Variants in MXD1 observed in about 807,000 individuals in gnomAD.
MXD1 encodes MAX dimerization protein 1, also known as MAX-binding protein.
Under a neutral mutation model 25.7 loss-of-function variants are expected in MXD1, and 9 were observed. That is an observed-to-expected ratio of 0.35 (90% confidence interval 0.21 to 0.61). MXD1 has a LOEUF of 0.61. Ranked by LOEUF, MXD1 falls within the 20% of genes least tolerant of loss-of-function variation. The pLI, the probability that MXD1 is intolerant of heterozygous loss-of-function variation, is 0.75. For synonymous variants in MXD1, 99 were observed against 113.9 expected (o/e 0.87, Z 0.83); for missense variants, 227 against 292.4 (o/e 0.78, Z 1.63).
rs1165762466 is a variant in MXD1, at chr2:69,923,600, GTGA to G, written c.203+1838_203+1840del. 2.0e-5 allele frequency among the ~76,000 whole-genome samples: 3 copies of G among 152,096 alleles called. No homozygotes were observed. In the East Asian group the frequency reaches 5.8e-4, roughly 29 times the overall value. On this transcript the variant is annotated intron_variant, in intron 3 of 5. Transcript: ENST00000264444. Reference sequence around the variant, plus strand: ...GAATTTCGTGTGTGTGTGTGTGTGTGTGATGCTGAGTGTGCCTCACTGCATATA... The same window carrying G: ...GAATTTCGTGTGTGTGTGTGTGTGTGTGCTGAGTGTGCCTCACTGCATATA...
In MXD1 at chr2:69,937,144, C is replaced by T. The variant is rs1048809070; in HGVS notation, c.319-91C>T. 1.3e-4 allele frequency: 195 copies of T among 1,521,714 alleles called. 1 individual carries two copies. Among genetic ancestry groups the T allele is most frequent in the Middle Eastern group, 3.4e-4 (2 of 5,890 alleles). 94.3% of individuals were successfully genotyped at this position (1,521,714 alleles called of 1,614,324 possible). The stretch of plus-strand genomic sequence containing the variant: ...CCGAAAGGCGTCTGAGGAAGTGTGG[C>T]GCATTCCACTGCTAGAAGGGAAGAT... On this transcript the variant is annotated intron_variant, in intron 4 of 5. Transcript: ENST00000264444.
chr2:69,922,932 A>G (rs1677094832), intron 3 of MXD1, among the ~76,000 whole-genome samples: 1 of 151,022 alleles, frequency 6.6e-6, no homozygotes, highest in Non-Finnish European at 1.5e-5. Context: ...CTATGTATCC[A>G]TTACCCAGCT....
chr2:69,915,696 C>T lies in MXD1; in HGVS notation c.73+293C>T, dbSNP rs1043381069. Among the ~76,000 whole-genome samples, 2 of 152,314 alleles carry T rather than the reference C, an allele frequency of 1.3e-5. No individual in the cohort carries two copies. The highest frequency in any genetic ancestry group is 2.1e-4 in the South Asian group (1 of 4,818). On this transcript the variant is annotated intron_variant, in intron 1 of 5. Coordinates refer to ENST00000264444, the MANE Select transcript of MXD1 (RefSeq NM_002357.4). The surrounding 1 kb of genome is among the most constrained non-coding windows in gnomAD (Gnocchi z 5.8). ...CCCTCCGATAGCCTCCCTGGTTTAC[C>T]TCACCCGGGCTGGTCCCGGCCGGCC...
intron 3 of MXD1, among the ~76,000 whole-genome samples, chr2:69,926,963 GA>G: frequency 6.6e-6 from 1 of 152,188 alleles, no homozygotes; most frequent in Non-Finnish European, 1.5e-5. Context: ...GCTCTTGCTA[GA>G]ATTAGGTGCC....
chr2:69,942,120 C>A lies in MXD1; in HGVS notation c.*3836C>A, dbSNP rs139486016. On this transcript the variant is annotated 3_prime_UTR_variant, in exon 6 of 6. Coordinates refer to ENST00000264444, the MANE Select transcript of MXD1 (RefSeq NM_002357.4). ...GAACATCAGGTAGTAAAAGGCTAAA[C>A]GCAATTTCTTGCATGTCAATCTATT... 4 of 152,190 alleles carry A rather than the reference C, an allele frequency of 2.6e-5. No individual in the cohort carries two copies. The highest frequency in any genetic ancestry group is 9.7e-5 in the African/African-American group (4 of 41,430). The allele number at this position is 152,190 out of a possible 1,614,324, so 9.4% of individuals were successfully genotyped here.
chr2:69,926,212 C>T (rs1349225202), intron 3 of MXD1, among the ~76,000 whole-genome samples: 1 of 152,162 alleles, frequency 6.6e-6, no homozygotes, highest in Non-Finnish European at 1.5e-5. Flanking sequence ...TCTTCCCTCA[C>T]TGATTCAAGT....
rs181846565 is a variant in MXD1 at position 69,929,773 on chromosome 2, C to T, written c.204-5578C>T. On this transcript the variant is annotated intron_variant, in intron 3 of 5. Coordinates refer to ENST00000264444, the MANE Select transcript of MXD1 (RefSeq NM_002357.4). ...ATTTTCTGAATAATCCATTCTTTCC[C>T]TAAGGATTTATGGTGTTATCTCCTT... 1.2e-3 allele frequency among the ~76,000 whole-genome samples: 184 copies of T among 152,312 alleles called. 2 individuals are homozygous for T. Among genetic ancestry groups the T allele is most frequent in the South Asian group, 5.2e-3 (25 of 4,832 alleles).
chr2:69,917,604 T>C (rs1267240105), intron 2 of MXD1, among the ~76,000 whole-genome samples: 1 of 152,178 alleles, frequency 6.6e-6, no homozygotes, highest in Admixed American at 6.5e-5. Context: ...TGAGAGGAAT[T>C]GTCCAAGTTA....
intron 3 of MXD1, among the ~76,000 whole-genome samples, chr2:69,923,796 C>T (rs1357703291): frequency 6.6e-6 from 1 of 152,208 alleles, no homozygotes; most frequent in Non-Finnish European, 1.5e-5. Flanking sequence ...GCTTCTCTTT[C>T]TCATTTTTAG....
At chr2:69,916,023 C>T (rs1410456666) in intron 1 of MXD1, 98 bp from the exon 2 acceptor site, 5 of 722,482 alleles carry the variant, frequency 6.9e-6, no homozygotes, top group Non-Finnish European at 1.2e-5. Flanking sequence ...CCACAATATT[C>T]TTTTAAAGAT....
intron 2 of MXD1, 73 bp from the exon 3 acceptor site, chr2:69,921,663 G>T: frequency 7.2e-7 from 1 of 1,383,974 alleles, no homozygotes; most frequent in Non-Finnish European, 9.9e-7. Context: ...GAAGTTAAAA[G>T]AATTGTGTTG....
At position 69,915,683 on chromosome 2, in the gene MXD1, C is replaced by A. The variant is rs1676948702; in HGVS notation, c.73+280C>A. 6.6e-6 allele frequency among the ~76,000 whole-genome samples: 1 copy of A among 152,234 alleles called. No homozygotes were observed. Among genetic ancestry groups the A allele is most frequent in the Non-Finnish European group, 1.5e-5 (1 of 68,050 alleles). On this transcript the variant is annotated intron_variant, in intron 1 of 5. Transcript: ENST00000264444. The surrounding 1 kb of genome is among the most constrained non-coding windows in gnomAD (Gnocchi z 5.8). ...GGTGGCCGGGGCCCCCTCCGATAGC[C>A]TCCCTGGTTTACCTCACCCGGGCTG...
chr2:69,924,895 G>C (rs726920), intron 3 of MXD1, among the ~76,000 whole-genome samples: 81,747 of 152,064 alleles, frequency 0.54, 24,036 homozygotes, highest in African/African-American at 0.79. Flanking sequence ...TTTAGAGATT[G>C]TAAATAATTA....
At position 69,937,994 on chromosome 2, in the gene MXD1, G is replaced by A. The variant is rs544747663; in HGVS notation, c.479-103G>A. 5.7e-5 allele frequency: 61 copies of A among 1,073,746 alleles called. No individual in the cohort carries two copies. In the East Asian group the frequency reaches 1.1e-3, roughly 19 times the overall value. The allele number at this position is 1,073,746 out of a possible 1,614,324, so 66.5% of individuals were successfully genotyped here. On this transcript the variant is annotated intron_variant, in intron 5 of 5. Coordinates refer to ENST00000264444, the MANE Select transcript of MXD1 (RefSeq NM_002357.4). ...ACTCCTAACCTCAAGTGATCCACCC[G>A]CCTTTGCCTCCCAAAGTGCTGGGAT...
Position 69,938,035 on chromosome 2 carries a change from C to T in MXD1, c.479-62C>T, listed in dbSNP as rs936067541. 4.6e-6 allele frequency: 7 copies of T among 1,522,926 alleles called. No individual in the cohort carries two copies. In the African/African-American group the frequency reaches 8.2e-5, roughly 18 times the overall value. The allele number at this position is 1,522,926 out of a possible 1,614,324, so 94.3% of individuals were successfully genotyped here. A position where few individuals can be genotyped will look rare whatever the true frequency, so the allele number is the denominator to read the frequency against. Reference sequence around the variant, plus strand: ...GTGCTGGGATTACAAGCATGAGCCACCACGCCTGAGCTTTCTGCAGAGCGC... The same window carrying T: ...GTGCTGGGATTACAAGCATGAGCCATCACGCCTGAGCTTTCTGCAGAGCGC... On this transcript the variant is annotated intron_variant, in intron 5 of 5. Transcript: ENST00000264444.
intron 2 of MXD1, among the ~76,000 whole-genome samples, chr2:69,919,882 C>T (rs1311656964): frequency 1.3e-5 from 2 of 151,986 alleles, no homozygotes; most frequent in Admixed American, 6.6e-5. Context: ...TGCTGTGTTG[C>T]CCACACTGGT....
rs1415996900 is a variant in MXD1 at position 69,915,891 on chromosome 2, G to A, written c.74-230G>A. ...AGGCTGCGTGAGCCTAGCCACTACTGTGTCTTTCTCAACAATGAGCAGCTG... is the reference window on the plus strand; with the variant it reads ...AGGCTGCGTGAGCCTAGCCACTACTATGTCTTTCTCAACAATGAGCAGCTG... On this transcript the variant is annotated intron_variant, in intron 1 of 5. Transcript: ENST00000264444. This position sits in a 1 kb window ranked among gnomAD's most constrained non-coding sequence, Gnocchi z 5.8. Among the ~76,000 whole-genome samples the A allele has an allele frequency of 6.6e-6, 1 of 152,246 alleles. No individual in the cohort carries two copies. Among genetic ancestry groups the A allele is most frequent in the Non-Finnish European group, 1.5e-5 (1 of 68,044 alleles).
chr2:69,925,720 C>T (rs1392063120), intron 3 of MXD1, among the ~76,000 whole-genome samples: 1 of 152,134 alleles, frequency 6.6e-6, no homozygotes, highest in African/African-American at 2.4e-5. Context: ...GGTTTAGATT[C>T]TTCCCAGAAC....
intron 2 of MXD1, among the ~76,000 whole-genome samples, chr2:69,916,663 A>ATCACT (rs1573398048): frequency 6.6e-6 from 1 of 152,210 alleles, no homozygotes; most frequent in Admixed American, 6.5e-5. Context: ...CATAAGTGAT[A>ATCACT]GGATCTCATA....
Sources: allele counts gnomAD v4.1 joint callset (sites outside exome capture counted in the v4.1 genomes callset), GRCh38; gene constraint gnomAD v4.1.1; non-coding constraint Gnocchi (gnomAD v3.1); transcripts MANE v1.5; gene names NCBI Gene and HGNC (gene_info 2026-07-23, HGNC 2026-07-21).